Variants in PRKD1 observed in about 807,000 individuals in gnomAD.
PRKD1 encodes the protein protein kinase D1, also known as serine/threonine-protein kinase D1.
A neutral mutation model predicts 95.9 loss-of-function variants in PRKD1; 63 were observed. The ratio of observed to expected loss-of-function variants is 0.66; its 90% confidence interval spans 0.54 to 0.81. PRKD1 has a LOEUF of 0.81. PRKD1 is among the 30% of genes least tolerant of loss of function. The probability of loss-of-function intolerance (pLI) is 0.00; values close to 1 mark genes in which losing one functional copy is unlikely to be tolerated. For missense variants in PRKD1, 1,048 were observed against 1,165.3 expected (o/e 0.90, Z 1.47); for synonymous variants, 425 against 423.1 (o/e 1.00, Z -0.05).
At chr14:29,620,711 C>CTT (rs1879189543) in intron 13 of PRKD1, among the ~76,000 whole-genome samples, 1 of 152,106 alleles carries the variant, frequency 6.6e-6, no homozygotes. Flanking sequence ...AATAGGAACA[C>CTT]TTTCACACTG....
chr14:29,641,882 C>A (rs962715473), intron 4 of PRKD1, among the ~76,000 whole-genome samples: 1 of 151,160 alleles, frequency 6.6e-6, no homozygotes. Context: ...CTGCCATCAT[C>A]CCTTTAAAAA....
At chr14:29,725,315 C>T (rs952059097) in intron 2 of PRKD1, among the ~76,000 whole-genome samples, 2 of 152,180 alleles carry the variant, frequency 1.3e-5, no homozygotes, top group East Asian at 1.9e-4. Context: ...TGGGAGGAAG[C>T]CTTAAGTCAA....
rs1955706094 is a variant in PRKD1, at chr14:29,797,025, A to G, written c.265-71351T>C. Among the ~76,000 whole-genome samples the G allele has an allele frequency of 2.0e-5, 3 of 152,210 alleles. No homozygotes were observed. In the South Asian group the frequency reaches 6.2e-4, roughly 32 times the overall value. ...AACCTTAATCCAATTTAGAGCTCTA[A>G]GGAGGAAGGCCATTAAGAAATGATG... On this transcript the variant is annotated intron_variant, in intron 1 of 17. Coordinates refer to ENST00000331968, the MANE Select transcript of PRKD1 (RefSeq NM_002742.3).
At chr14:29,776,442 G>C (rs142281220) in intron 1 of PRKD1, among the ~76,000 whole-genome samples, 1 of 152,238 alleles carries the variant, frequency 6.6e-6, no homozygotes, top group African/African-American at 2.4e-5. Flanking sequence ...GTGTAGAGAA[G>C]TCCTTAAATG....
At chr14:29,638,439 A>T (rs775270386) in intron 6 of PRKD1, 50 bp downstream of exon 6, 2 of 1,593,090 alleles carry the variant, frequency 1.3e-6, no homozygotes, top group South Asian at 2.2e-5. Context: ...ACATCACCAC[A>T]CTCTCTAATA....
intron 1 of PRKD1, among the ~76,000 whole-genome samples, chr14:29,915,603 C>G (rs1894863705): frequency 6.6e-6 from 1 of 152,122 alleles, no homozygotes; most frequent in Non-Finnish European, 1.5e-5. Flanking sequence ...TAAGAGAATC[C>G]TTGTAGTAGT....
intron 1 of PRKD1, among the ~76,000 whole-genome samples, chr14:29,826,844 C>CATATATATATATATATATAT (rs1228527833): frequency 1.0e-4 from 3 of 28,668 alleles, no homozygotes; most frequent in African/African-American, 1.2e-4. Flanking sequence ...TATATACACA[C>CATATATATATATATATATAT]ATATATATAT....
At chr14:29,708,450 T>C (rs1885187949) in intron 2 of PRKD1, among the ~76,000 whole-genome samples, 1 of 152,208 alleles carries the variant, frequency 6.6e-6, no homozygotes, top group South Asian at 2.1e-4. Flanking sequence ...TTTCAAAATG[T>C]ATTGGTGGCC....
intron 1 of PRKD1, among the ~76,000 whole-genome samples, chr14:29,859,674 A>G (rs997275252): frequency 6.6e-6 from 1 of 152,030 alleles, no homozygotes; most frequent in African/African-American, 2.4e-5. Context: ...CCTCATGTAG[A>G]TAAATAAGTA....
At chr14:29,919,387 C>T (rs559241864) in intron 1 of PRKD1, among the ~76,000 whole-genome samples, 6 of 152,160 alleles carry the variant, frequency 3.9e-5, no homozygotes, top group Admixed American at 6.5e-5. Flanking sequence ...TATTCCATAA[C>T]AGCCATAGTG....
intron 1 of PRKD1, among the ~76,000 whole-genome samples, chr14:29,788,380 A>G (rs1478403611): frequency 1.3e-5 from 2 of 152,148 alleles, no homozygotes; most frequent in African/African-American, 2.4e-5. Flanking sequence ...CCGATTAACT[A>G]TAATGTGCCT....
At chr14:29,909,352 C>T (rs1894619007) in intron 1 of PRKD1, among the ~76,000 whole-genome samples, 1 of 151,494 alleles carries the variant, frequency 6.6e-6, no homozygotes, top group African/African-American at 2.4e-5. Context: ...ATCCCCGCTC[C>T]ATGGCGCCCA....
intron 2 of PRKD1, among the ~76,000 whole-genome samples, chr14:29,673,795 T>TA (rs1721122663): frequency 6.6e-6 from 1 of 152,226 alleles, no homozygotes; most frequent in Admixed American, 6.5e-5. Context: ...ACAAAGTGTC[T>TA]AGCAGTGCTT....
chr14:29,868,806 A>C (rs1200071157), intron 1 of PRKD1, among the ~76,000 whole-genome samples: 1 of 152,196 alleles, frequency 6.6e-6, no homozygotes, highest in East Asian at 1.9e-4. Flanking sequence ...TAGGCACAGT[A>C]ATATCAAGTT....
At chr14:29,727,015 A>G (rs1254500006) in intron 1 of PRKD1, among the ~76,000 whole-genome samples, 3 of 152,180 alleles carry the variant, frequency 2.0e-5, no homozygotes, top group East Asian at 1.9e-4. Context: ...AGTCCCACCA[A>G]CAGTGTAAAA....
At chr14:29,634,616 T>C (rs1880247962) in intron 7 of PRKD1, 75 bp from the exon 8 acceptor site, 5 of 1,560,712 alleles carry the variant, frequency 3.2e-6, no homozygotes, top group Admixed American at 1.7e-5. Flanking sequence ...TAAAACCTTA[T>C]GTCAGCTAAT....
intron 1 of PRKD1, among the ~76,000 whole-genome samples, chr14:29,784,421 C>T (rs978971237): frequency 4.6e-5 from 7 of 152,106 alleles, no homozygotes; most frequent in African/African-American, 1.7e-4. Context: ...TTTTCTACTT[C>T]TGTGAAGAAT....
intron 1 of PRKD1, among the ~76,000 whole-genome samples, chr14:29,808,433 CTT>C (rs1479314111): frequency 1.5e-5 from 1 of 67,728 alleles, no homozygotes; most frequent in Non-Finnish European, 2.7e-5. Context: ...GAGTTTTGCT[CTT>C]GTCGCCCAGG....
chr14:29,795,568 G>A (rs1279172403), intron 1 of PRKD1, among the ~76,000 whole-genome samples: 1 of 151,964 alleles, frequency 6.6e-6, no homozygotes, highest in Non-Finnish European at 1.5e-5. Context: ...AAACATTTTG[G>A]TGACTCTTAA....
Sources: gnomAD v4.1 joint callset for allele counts (sites outside exome capture counted in the v4.1 genomes callset) on GRCh38, gnomAD v4.1.1 for gene constraint, MANE v1.5 for transcripts, NCBI Gene and HGNC (gene_info 2026-07-23, HGNC 2026-07-21) for gene names.